Variants in ATP11B observed in about 807,000 individuals in gnomAD.
The protein encoded by ATP11B is phospholipid-transporting ATPase IF.
ATP11B carries 81 observed loss-of-function variants against 157.8 expected under a neutral mutation model. That is an observed-to-expected ratio of 0.51 (90% CI 0.43 to 0.62). The LOEUF is 0.62. ATP11B is among the 20% of genes least tolerant of loss of function. The pLI, the probability that ATP11B is intolerant of heterozygous loss-of-function variation, is 0.00. For synonymous variants in ATP11B, 451 were observed against 469.4 expected, an observed-to-expected ratio of 0.96 and a Z score of 0.51; for missense variants, 1,165 against 1,402.2, an observed-to-expected ratio of 0.83 and a Z score of 2.70.
At chr3:182,799,576 G>A (rs954371365) in intron 1 of ATP11B, among the ~76,000 whole-genome samples, 4 of 152,230 alleles carry the variant, frequency 2.6e-5, no homozygotes, top group East Asian at 1.9e-4. Context: ...TGCCCGGCCC[G>A]AGTGCTGATC....
At chr3:182,899,118 G>A (rs1229159165) in intron 28 of ATP11B, among the ~76,000 whole-genome samples, 2 of 149,934 alleles carry the variant, frequency 1.3e-5, no homozygotes, top group African/African-American at 2.5e-5. Context: ...AAGATCTATA[G>A]CCATGTCTTT....
chr3:182,892,048 G>A (rs1439117185), intron 25 of ATP11B, among the ~76,000 whole-genome samples: 1 of 152,160 alleles, frequency 6.6e-6, no homozygotes, highest in Non-Finnish European at 1.5e-5. Context: ...GGAAGATCAT[G>A]TCCTACTCAA....
chr3:182,848,607 TTTA>T lies in ATP11B; in HGVS notation c.851+53_851+55del, dbSNP rs758427838. On this transcript the variant is annotated intron_variant, in intron 10 of 29. Transcript: ENST00000323116. ...TATATGTAATTATAACTCTACATTT[TTTA>T]TTCGTTTGGTATAAAATATTATATA... The T allele has an allele frequency of 4.1e-5, 42 of 1,026,108 alleles. No individual in the cohort carries two copies. In the Admixed American group the frequency reaches 8.0e-4, roughly 19 times the overall value. The allele number at this position is 1,026,108 out of a possible 1,614,324, so 63.6% of individuals were successfully genotyped here.
At chr3:182,854,843 A>G (rs1281911210) in intron 10 of ATP11B, among the ~76,000 whole-genome samples, 1 of 151,988 alleles carries the variant, frequency 6.6e-6, no homozygotes, top group Non-Finnish European at 1.5e-5. Flanking sequence ...AATTAAAAAA[A>G]ATGGGCAAAA....
At chr3:182,876,755 A>G (rs1302320187) in intron 19 of ATP11B, among the ~76,000 whole-genome samples, 1 of 152,214 alleles carries the variant, frequency 6.6e-6, no homozygotes, top group Non-Finnish European at 1.5e-5. Context: ...TCATGAAGGC[A>G]AAGCCATTAT....
intron 28 of ATP11B, among the ~76,000 whole-genome samples, chr3:182,904,987 T>C (rs1171034874): frequency 6.6e-6 from 1 of 152,102 alleles, no homozygotes; most frequent in Non-Finnish European, 1.5e-5. Context: ...TTTTCCCCTC[T>C]TCCCCTGTGT....
intron 29 of ATP11B, chr3:182,917,691 G>A (rs1725229744): frequency 2.0e-6 from 2 of 985,274 alleles, no homozygotes; most frequent in Non-Finnish European, 2.4e-6. Flanking sequence ...GTAAAACAAT[G>A]TGCATAACTC....
chr3:182,866,578 AT>A (rs1721250821), intron 14 of ATP11B, 135 bp downstream of exon 14: 1 of 668,558 alleles, frequency 1.5e-6, no homozygotes, highest in African/African-American at 1.9e-5. Flanking sequence ...ATACATAAAA[AT>A]AGAAGTACAA....
chr3:182,849,916 A>AAAATATAAAG (rs1204551181), intron 10 of ATP11B, among the ~76,000 whole-genome samples: 28 of 151,874 alleles, frequency 1.8e-4, no homozygotes, highest in African/African-American at 6.7e-4. Flanking sequence ...CTAAGCAGGA[A>AAAATATAAAG]AAATATAAAG....
At chr3:182,809,098 T>C (rs1169492580) in intron 1 of ATP11B, among the ~76,000 whole-genome samples, 1 of 152,014 alleles carries the variant, frequency 6.6e-6, no homozygotes, top group African/African-American at 2.4e-5. Flanking sequence ...AACTGTTCCC[T>C]CCTATAGGAG....
chr3:182,843,896 T>G (rs1371452283), intron 8 of ATP11B: 1 of 152,236 alleles, frequency 6.6e-6, no homozygotes, highest in African/African-American at 2.4e-5. Flanking sequence ...AGCATTAACA[T>G]AGGAGCATGT....
intron 1 of ATP11B, among the ~76,000 whole-genome samples, chr3:182,799,285 T>C (rs9839663): frequency 0.51 from 74,444 of 146,942 alleles, 20,986 homozygotes; most frequent in Non-Finnish European, 0.65. Flanking sequence ...TTCTTTCTTT[T>C]TTTTTTTTTT....
intron 2 of ATP11B, among the ~76,000 whole-genome samples, chr3:182,824,368 T>G (rs1444231257): frequency 6.6e-6 from 1 of 152,194 alleles, no homozygotes; most frequent in African/African-American, 2.4e-5. Context: ...TTTGCAGCCA[T>G]TGTTGTGTGT....
chr3:182,822,873 G>C (rs1240179386), intron 2 of ATP11B, among the ~76,000 whole-genome samples: 1 of 152,210 alleles, frequency 6.6e-6, no homozygotes, highest in Non-Finnish European at 1.5e-5. Flanking sequence ...GGCCAGTGAT[G>C]ATGAGCATTT....
intron 17 of ATP11B, 152 bp downstream of exon 17, chr3:182,869,483 C>T: frequency 1.8e-6 from 1 of 565,462 alleles, no homozygotes; most frequent in Non-Finnish European, 3.0e-6. Flanking sequence ...TGAAAACTGA[C>T]TTTTAACGCA....
Position 182,867,459 on chromosome 3 carries a change from T to C in ATP11B, c.1688+15T>C. ...AAACTGGAACGGTAATTTTTTTTCA[T>C]ATATTGGAATGTTTTCTGTGTTAAG... On this transcript the variant is annotated intron_variant, in intron 15 of 29. Coordinates refer to ENST00000323116, the MANE Select transcript of ATP11B (RefSeq NM_014616.3). 1.3e-6 allele frequency: 2 copies of C among 1,540,756 alleles called. No homozygotes were observed. The highest frequency in any genetic ancestry group is 4.5e-5 in the East Asian group (2 of 44,414).
chr3:182,820,222 G>A (rs894189454), intron 1 of ATP11B, 38 bp from the exon 2 acceptor site: 1 of 1,310,120 alleles, frequency 7.6e-7, no homozygotes, highest in African/African-American at 1.5e-5. Context: ...TAACCTGGTT[G>A]ACTAGTATTT....
intron 17 of ATP11B, among the ~76,000 whole-genome samples, chr3:182,870,940 AAAAAG>A (rs1252953366): frequency 2.0e-5 from 3 of 151,542 alleles, no homozygotes; most frequent in African/African-American, 4.9e-5. Flanking sequence ...AAAAAAAAAA[AAAAAG>A]AAATCTGCTA....
chr3:182,804,526 C>T (rs1361695725), intron 1 of ATP11B, among the ~76,000 whole-genome samples: 3 of 152,176 alleles, frequency 2.0e-5, no homozygotes, highest in African/African-American at 7.2e-5. Context: ...AGCGACCGCA[C>T]CTGGCAGGAA....
Sources: gnomAD v4.1 joint callset for allele counts (sites outside exome capture counted in the v4.1 genomes callset) on GRCh38, gnomAD v4.1.1 for gene constraint, MANE v1.5 for transcripts, NCBI Gene and HGNC (gene_info 2026-07-23, HGNC 2026-07-21) for gene names.